Variants in INPP4B observed in about 807,000 individuals in gnomAD.
INPP4B encodes inositol polyphosphate 4-phosphatase type II.
INPP4B carries 55 observed loss-of-function variants against 122.5 expected under a neutral mutation model. The ratio of observed to expected loss-of-function variants is 0.45; its 90% confidence interval spans 0.36 to 0.56. The LOEUF (loss-of-function observed/expected upper bound fraction) is 0.56, where lower values mean the gene tolerates loss of function less well. Among genes scored for constraint, INPP4B ranks in the 20% least tolerant of loss-of-function variants. The pLI is 0.00. For missense variants in INPP4B, 1,000 were observed against 1,097.7 expected, an observed-to-expected ratio of 0.91 and a Z score of 1.26; for synonymous variants, 403 against 388.7, an observed-to-expected ratio of 1.04 and a Z score of -0.43.
At chr4:142,699,782 C>T (rs1477763887) in intron 2 of INPP4B, among the ~76,000 whole-genome samples, 1 of 152,102 alleles carries the variant, frequency 6.6e-6, no homozygotes. Flanking sequence ...TATCTAGACC[C>T]TTTTAACAAC....
intron 2 of INPP4B, among the ~76,000 whole-genome samples, chr4:142,466,285 G>C (rs1026598644): frequency 6.6e-6 from 1 of 152,158 alleles, no homozygotes; most frequent in Admixed American, 6.5e-5. Context: ...ACATGAAAAT[G>C]GGAAACTTAT....
At chr4:142,610,856 A>G (rs1363323820) in intron 2 of INPP4B, among the ~76,000 whole-genome samples, 7 of 152,222 alleles carry the variant, frequency 4.6e-5, no homozygotes, top group African/African-American at 1.7e-4. Context: ...TTTTAAAAAA[A>G]TAAGATTCAG....
intron 19 of INPP4B, 117 bp from the exon 20 acceptor site, chr4:142,123,532 A>T: frequency 1.1e-6 from 1 of 926,104 alleles, no homozygotes. Flanking sequence ...GTATAACAAA[A>T]CTACAACTAT....
intron 16 of INPP4B, among the ~76,000 whole-genome samples, chr4:142,170,871 G>T (rs1561364483): frequency 6.6e-6 from 1 of 151,722 alleles, no homozygotes; most frequent in Non-Finnish European, 1.5e-5. Flanking sequence ...AATTGTATGT[G>T]TTTGTCTCTA....
chr4:142,797,491 G>T (rs1273030710), intron 1 of INPP4B, among the ~76,000 whole-genome samples: 1 of 151,864 alleles, frequency 6.6e-6, no homozygotes, highest in South Asian at 2.1e-4. Context: ...AGAGAGAAAA[G>T]ACATAAAATA....
At chr4:142,607,015 C>T (rs1741410365) in intron 2 of INPP4B, among the ~76,000 whole-genome samples, 1 of 151,680 alleles carries the variant, frequency 6.6e-6, no homozygotes, top group South Asian at 2.1e-4. Context: ...ATCTATATAA[C>T]ATTATGTCAA....
chr4:142,245,409 G>A (rs1223614007), intron 11 of INPP4B, among the ~76,000 whole-genome samples: 3 of 152,098 alleles, frequency 2.0e-5, no homozygotes, highest in East Asian at 1.9e-4. Context: ...GTAAGGAAGA[G>A]GTCCAGTTTC....
intron 15 of INPP4B, among the ~76,000 whole-genome samples, chr4:142,174,461 T>A (rs913958375): frequency 2.0e-5 from 3 of 152,078 alleles, no homozygotes; most frequent in Non-Finnish European, 2.9e-5. Flanking sequence ...AGGAGAAAAT[T>A]AATTAATGTC....
intron 16 of INPP4B, among the ~76,000 whole-genome samples, chr4:142,173,019 T>C (rs550556002): frequency 6.6e-6 from 1 of 152,082 alleles, no homozygotes; most frequent in Admixed American, 6.6e-5. Context: ...ATATTGAGTG[T>C]CTACCCCATG....
At chr4:142,035,789 A>T (rs1009007035) in intron 25 of INPP4B, among the ~76,000 whole-genome samples, 1 of 152,190 alleles carries the variant, frequency 6.6e-6, no homozygotes, top group South Asian at 2.1e-4. Context: ...TAATTCTGGC[A>T]ATGAGGAGAA....
At chr4:142,189,146 T>C (rs1834582630) in intron 15 of INPP4B, among the ~76,000 whole-genome samples, 1 of 152,232 alleles carries the variant, frequency 6.6e-6, no homozygotes. Flanking sequence ...GTTTTTGCCC[T>C]GTGACTGTGT....
At chr4:142,518,698 T>C (rs1183466647) in intron 2 of INPP4B, 1 of 152,148 alleles carries the variant, frequency 6.6e-6, no homozygotes, top group African/African-American at 2.4e-5. Flanking sequence ...TATCATTCAC[T>C]CTAGGAGAGC....
chr4:142,220,524 AATT>A (rs1437597863), intron 12 of INPP4B, among the ~76,000 whole-genome samples: 1 of 152,212 alleles, frequency 6.6e-6, no homozygotes, highest in African/African-American at 2.4e-5. Context: ...AAATAGGCAC[AATT>A]ATTATCATTC....
chr4:142,310,094 C>A (rs72941132), intron 8 of INPP4B, among the ~76,000 whole-genome samples: 1,605 of 152,146 alleles, frequency 0.011, 25 homozygotes, highest in African/African-American at 0.037. Flanking sequence ...TCATTCATAT[C>A]CTTCTCACAA....
intron 2 of INPP4B, among the ~76,000 whole-genome samples, chr4:142,632,124 T>A (rs1050504043): frequency 6.6e-5 from 10 of 152,088 alleles, no homozygotes; most frequent in Non-Finnish European, 1.3e-4. Context: ...GTTCTTACAC[T>A]AAGGACAGTA....
In INPP4B at chr4:142,256,883, C is replaced by G. The variant is rs1000656057; in HGVS notation, c.688+3609G>C. Among the ~76,000 whole-genome samples the G allele has an allele frequency of 3.3e-5, 5 of 152,004 alleles. No homozygotes were observed. In the South Asian group the frequency reaches 1.0e-3, roughly 32 times the overall value. ...GGCCAGCATCATCCTGATACCAAAG[C>G]TGGGCAGAGACACAACCAAAAAAGA... is the stretch of plus-strand genomic sequence containing the variant. On this transcript the variant is annotated intron_variant, in intron 11 of 25. Coordinates refer to ENST00000262992, the MANE Select transcript of INPP4B (RefSeq NM_001101669.3).
intron 3 of INPP4B, among the ~76,000 whole-genome samples, chr4:142,453,034 A>G (rs1205509471): frequency 6.6e-6 from 1 of 152,178 alleles, no homozygotes. Context: ...GTCCACACCT[A>G]AGGTGACAGG....
chr4:142,572,105 T>C (rs111747906), intron 2 of INPP4B, among the ~76,000 whole-genome samples: 3,605 of 152,260 alleles, frequency 0.024, 59 homozygotes, highest in Non-Finnish European at 0.041. Context: ...TTATCTTCTC[T>C]TTCCAAAGCC....
At chr4:142,752,143 T>A (rs1769826617) in intron 1 of INPP4B, among the ~76,000 whole-genome samples, 1 of 152,134 alleles carries the variant, frequency 6.6e-6, no homozygotes, top group African/African-American at 2.4e-5. Flanking sequence ...AGTAGACTTT[T>A]TTTTAGAGCT....
Sources: gnomAD v4.1 joint callset for allele counts (sites outside exome capture counted in the v4.1 genomes callset) on GRCh38, gnomAD v4.1.1 for gene constraint, MANE v1.5 for transcripts, NCBI Gene and HGNC (gene_info 2026-07-23, HGNC 2026-07-21) for gene names.